Variants in ARHGAP6 observed in about 807,000 individuals in gnomAD.
ARHGAP6 encodes the protein rho GTPase-activating protein 6.
ARHGAP6 carries 16 observed loss-of-function variants against 55.7 expected under a neutral mutation model. The observed-to-expected ratio is 0.29, with a 90% CI of 0.19 to 0.44. The LOEUF (loss-of-function observed/expected upper bound fraction) is 0.44, where lower values mean the gene tolerates loss of function less well. ARHGAP6 is among the 20% of genes least tolerant of loss of function. The pLI is 1.00. For synonymous variants in ARHGAP6, 382 were observed against 360.9 expected (o/e 1.06, Z -0.66); for missense variants, 698 against 808.9 (o/e 0.86, Z 1.66).
At chrX:11,612,412 G>C (rs1012517965) in intron 1 of ARHGAP6, among the ~76,000 whole-genome samples, 1 of 111,810 alleles carries the variant, frequency 8.9e-6, no homozygotes, top group South Asian at 3.8e-4. Flanking sequence ...ACCTGGGATG[G>C]GAGATACTAT....
At chrX:11,439,604 A>T (rs915362231) in intron 1 of ARHGAP6, among the ~76,000 whole-genome samples, 1 of 112,478 alleles carries the variant, frequency 8.9e-6, no homozygotes, top group African/African-American at 3.2e-5. Flanking sequence ...AGAAAAAAAA[A>T]TTATCTTCCA....
chrX:11,493,025 T>C (rs762131671), intron 1 of ARHGAP6, among the ~76,000 whole-genome samples: 7 of 112,208 alleles, frequency 6.2e-5, no homozygotes, highest in African/African-American at 9.7e-5. Flanking sequence ...GGTCCCCAGC[T>C]GACTGCCTGG....
At chrX:11,504,872 G>C (rs931725792) in intron 1 of ARHGAP6, among the ~76,000 whole-genome samples, 1 of 112,290 alleles carries the variant, frequency 8.9e-6, no homozygotes, top group African/African-American at 3.2e-5. Context: ...AGTTTTAATG[G>C]GAAGAGTAAA....
At chrX:11,212,988 G>T (rs1246125264) in intron 2 of ARHGAP6, among the ~76,000 whole-genome samples, 1 of 112,191 alleles carries the variant, frequency 8.9e-6, no homozygotes, top group African/African-American at 3.2e-5. Context: ...CACGCCCCCT[G>T]CAGGCATGCC....
At chrX:11,498,137 C>G (rs972515510) in intron 1 of ARHGAP6, among the ~76,000 whole-genome samples, 2 of 111,780 alleles carry the variant, frequency 1.8e-5, no homozygotes, top group Non-Finnish European at 3.8e-5. Context: ...ATTAATTTAT[C>G]TATTCTCATA....
chrX:11,361,744 C>T (rs1325626318), intron 1 of ARHGAP6, among the ~76,000 whole-genome samples: 1 of 110,938 alleles, frequency 9.0e-6, no homozygotes, highest in Non-Finnish European at 1.9e-5. Flanking sequence ...AAAATTTTTG[C>T]AACCTACTCA....
At chrX:11,651,855 A>G (rs143212748) in intron 1 of ARHGAP6, among the ~76,000 whole-genome samples, 64 of 111,793 alleles carry the variant, frequency 5.7e-4, no homozygotes, top group African/African-American at 1.1e-3. Flanking sequence ...ATGGTATCTC[A>G]TTGTGGTTTT....
rs182636870 is a variant in ARHGAP6 at position 11,335,745 on chromosome X, C to T, written c.589-81038G>A. On this transcript the variant is annotated intron_variant, in intron 1 of 12. Transcript: ENST00000337414. ...AGATTCATCTTTTTGCTGTTGATTT[C>T]CCTCTTAAAGGCTTTGGTGGTTCCC... The T allele has an allele frequency of 9.6e-4, 307 of 319,548 alleles. 1 individual carries two copies. In the Middle Eastern group the frequency reaches 0.01, roughly 11 times the overall value. The allele number at this position is 319,548 out of a possible 1,213,427, so 26.3% of individuals were successfully genotyped here. A position where few individuals can be genotyped will look rare whatever the true frequency, so the allele number is the denominator to read the frequency against.
intron 1 of ARHGAP6, among the ~76,000 whole-genome samples, chrX:11,398,768 T>G (rs1020400498): frequency 8.9e-6 from 1 of 111,873 alleles, no homozygotes; most frequent in Non-Finnish European, 1.9e-5. Flanking sequence ...ATTTAGGAAT[T>G]CTAAATGTCC....
rs150816631 is a variant in ARHGAP6 at position 11,154,280 on chromosome X, A to G, written c.1907+2249T>C. On this transcript the variant is annotated intron_variant, in intron 10 of 12. Transcript: ENST00000337414. The stretch of plus-strand genomic sequence containing the variant: ...TTGGAAGCCCTGACACTCACCTAAG[A>G]TCTTGGTCTAGGGTCTGCTCACCTA... Among the ~76,000 whole-genome samples the G allele has an allele frequency of 3.0e-4, 34 of 111,682 alleles. No individual in the cohort carries two copies. The East Asian group carries it at 8.1e-3, about 27-fold the overall frequency.
At chrX:11,495,141 C>T (rs1482393498) in intron 1 of ARHGAP6, among the ~76,000 whole-genome samples, 1 of 111,873 alleles carries the variant, frequency 8.9e-6, no homozygotes, top group Non-Finnish European at 1.9e-5. Flanking sequence ...TATGAATGAA[C>T]ATCTCAAGTA....
In ARHGAP6 at chrX:11,351,410, C is replaced by T. The variant is rs867497922; in HGVS notation, c.589-96703G>A. ...CAAATATCCTGTACATGAGAACAGT[C>T]GACCCAAGTGAGCCAGGCCAGGAAC... On this transcript the variant is annotated intron_variant, in intron 1 of 12. Transcript: ENST00000337414. 1.5e-5 allele frequency: 15 copies of T among 968,002 alleles called. No individual in the cohort carries two copies. The African/African-American group carries it at 2.2e-4, about 14-fold the overall frequency. 79.8% of individuals were successfully genotyped at this position (968,002 alleles called of 1,213,427 possible).
chrX:11,174,518 T>C (rs190551009), intron 8 of ARHGAP6, among the ~76,000 whole-genome samples: 37 of 69,541 alleles, frequency 5.3e-4, no homozygotes, highest in South Asian at 1.8e-3. Context: ...TCTTTCTTTC[T>C]TTCCTTCCTT....
At chrX:11,140,745 C>T (rs972506137) in intron 12 of ARHGAP6, among the ~76,000 whole-genome samples, 3 of 112,007 alleles carry the variant, frequency 2.7e-5, no homozygotes, top group Non-Finnish European at 3.8e-5. Flanking sequence ...GGAGTTGTTA[C>T]AGCAGTTAGC....
chrX:11,392,290 G>T (rs1289918893), intron 1 of ARHGAP6, among the ~76,000 whole-genome samples: 1 of 111,454 alleles, frequency 9.0e-6, no homozygotes, highest in Non-Finnish European at 1.9e-5. Flanking sequence ...GTTCTGCATG[G>T]CTGTTTCCTG....
intron 4 of ARHGAP6, among the ~76,000 whole-genome samples, chrX:11,188,253 T>C (rs1017973800): frequency 4.5e-5 from 5 of 111,744 alleles, no homozygotes; most frequent in Admixed American, 1.9e-4. Flanking sequence ...GAGGATTCTA[T>C]GGTTCTGTTT....
At chrX:11,615,494 C>G (rs1310812389) in intron 1 of ARHGAP6, among the ~76,000 whole-genome samples, 4 of 111,445 alleles carry the variant, frequency 3.6e-5, no homozygotes, top group Non-Finnish European at 7.5e-5. Flanking sequence ...TGTACCCTAT[C>G]AGAGCTGAGA....
chrX:11,631,661 G>T (rs1388796285), intron 1 of ARHGAP6, among the ~76,000 whole-genome samples: 1 of 111,836 alleles, frequency 8.9e-6, no homozygotes, highest in Non-Finnish European at 1.9e-5. Context: ...ACAGCAGGGA[G>T]CAGCAAACAT....
chrX:11,326,431 ATT>A (rs926469525), intron 1 of ARHGAP6, among the ~76,000 whole-genome samples: 1 of 104,948 alleles, frequency 9.5e-6, no homozygotes, highest in African/African-American at 3.4e-5. Context: ...CCCAGCTGGG[ATT>A]TTTTTTTTTT....
Sources: allele counts gnomAD v4.1 joint callset (sites outside exome capture counted in the v4.1 genomes callset), GRCh38; gene constraint gnomAD v4.1.1; transcripts MANE v1.5; gene names NCBI Gene and HGNC (gene_info 2026-07-23, HGNC 2026-07-21).